PIWIL2: variants seen among roughly 807,000 people sequenced by gnomAD.
The protein encoded by PIWIL2 is piwi-like protein 2.
In PIWIL2, 81 loss-of-function variants were observed where a neutral mutation model predicts 116.5. The ratio of observed to expected loss-of-function variants is 0.70; its 90% CI spans 0.58 to 0.84. PIWIL2 has a LOEUF of 0.84. PIWIL2 is among the 40% of genes least tolerant of loss of function. The pLI is 0.00. For missense variants in PIWIL2, 1,272 were observed against 1,212.3 expected (o/e 1.05, Z -0.73); for synonymous variants, 489 against 429.5 (o/e 1.14, Z -1.71).
At chr8:22,349,051 C>CT (rs35385064) in intron 20 of PIWIL2, among the ~76,000 whole-genome samples, 60,999 of 136,668 alleles carry the variant, frequency 0.45, 14,961 homozygotes, top group East Asian at 0.81. Flanking sequence ...TTTCTTTTTT[C>CT]TTTTTTTTTT....
chr8:22,327,022 T>C (rs573295435), intron 20 of PIWIL2, among the ~76,000 whole-genome samples: 1 of 129,358 alleles, frequency 7.7e-6, no homozygotes, highest in African/African-American at 3.1e-5. Flanking sequence ...TCTGTTTTTT[T>C]ACTTTTTTTT....
At chr8:22,317,670 T>C (rs887484476) in intron 19 of PIWIL2, among the ~76,000 whole-genome samples, 1 of 130,750 alleles carries the variant, frequency 7.6e-6, no homozygotes, top group African/African-American at 2.8e-5. Context: ...TATTTATTTA[T>C]TTTTTTTGAG....
At chr8:22,275,514 C>G (rs1830341496) in intron 1 of PIWIL2, 116 bp downstream of exon 1, 1 of 152,322 alleles carries the variant, frequency 6.6e-6, no homozygotes, top group African/African-American at 2.4e-5. Context: ...CTCTCCCCTC[C>G]CACTTCGGGG....
chr8:22,316,967 A>G (rs997694142), intron 19 of PIWIL2, among the ~76,000 whole-genome samples: 2 of 151,810 alleles, frequency 1.3e-5, no homozygotes, highest in African/African-American at 2.4e-5. Context: ...TTTTGTAGAG[A>G]CAGGGTTTCA....
chr8:22,343,676 T>A (rs1384298766), intron 20 of PIWIL2, among the ~76,000 whole-genome samples: 2 of 152,138 alleles, frequency 1.3e-5, no homozygotes, highest in Non-Finnish European at 2.9e-5. Flanking sequence ...GAACTGCAAA[T>A]TAAAACAATC....
chr8:22,333,905 G>A (rs988140020), intron 20 of PIWIL2, among the ~76,000 whole-genome samples: 20 of 151,762 alleles, frequency 1.3e-4, no homozygotes, highest in South Asian at 1.2e-3. Flanking sequence ...ATGATTAGTG[G>A]TTTCCAGAGA....
intron 14 of PIWIL2, 124 bp downstream of exon 14, chr8:22,308,197 G>T (rs1385136141): frequency 3.3e-4 from 173 of 527,974 alleles, no homozygotes; most frequent in Middle Eastern, 4.6e-4. Context: ...ATTTTTCTAA[G>T]TTTTTTTTTT....
intron 20 of PIWIL2, among the ~76,000 whole-genome samples, chr8:22,328,589 GA>G: frequency 6.6e-6 from 1 of 152,096 alleles, no homozygotes; most frequent in South Asian, 2.1e-4. Context: ...TATTTATTTA[GA>G]TCTTTTTAAA....
chr8:22,329,189 A>G (rs893657921), intron 20 of PIWIL2, among the ~76,000 whole-genome samples: 1 of 152,208 alleles, frequency 6.6e-6, no homozygotes, highest in African/African-American at 2.4e-5. Context: ...GGATTTTATC[A>G]GATGATTTTT....
At chr8:22,287,480 T>G in intron 6 of PIWIL2, 48 bp from the exon 7 acceptor site, 1 of 1,163,832 alleles carries the variant, frequency 8.6e-7, no homozygotes. Context: ...CTGGTAAAGA[T>G]TGCAGTTTGA....
At chr8:22,292,449 A>C (rs1212285966) in intron 10 of PIWIL2, among the ~76,000 whole-genome samples, 1 of 152,262 alleles carries the variant, frequency 6.6e-6, no homozygotes, top group African/African-American at 2.4e-5. Flanking sequence ...AGTGGCACTT[A>C]AGTGGATTTC....
At chr8:22,317,966 T>TA (rs1404321866) in intron 19 of PIWIL2, among the ~76,000 whole-genome samples, 2 of 152,202 alleles carry the variant, frequency 1.3e-5, no homozygotes, top group African/African-American at 2.4e-5. Context: ...CTGCCACAAT[T>TA]ACACGTTTTT....
chr8:22,289,082 C>A (rs750496083), intron 8 of PIWIL2, among the ~76,000 whole-genome samples: 2 of 152,052 alleles, frequency 1.3e-5, no homozygotes, highest in Middle Eastern at 3.4e-3. Flanking sequence ...TTTGAAACAT[C>A]CTAGTTTTCA....
At chr8:22,319,112 A>G (rs1039654149) in intron 20 of PIWIL2, among the ~76,000 whole-genome samples, 1 of 152,242 alleles carries the variant, frequency 6.6e-6, no homozygotes, top group Non-Finnish European at 1.5e-5. Context: ...CAAAGGAAGC[A>G]CTGATAAGTG....
intron 10 of PIWIL2, among the ~76,000 whole-genome samples, chr8:22,291,553 G>C (rs778784808): frequency 3.9e-5 from 6 of 152,106 alleles, no homozygotes; most frequent in Non-Finnish European, 8.8e-5. Context: ...ATTACTTAAT[G>C]GAAGGGCTGA....
intron 15 of PIWIL2, among the ~76,000 whole-genome samples, chr8:22,310,777 A>C (rs1326667150): frequency 6.6e-6 from 1 of 152,186 alleles, no homozygotes; most frequent in Non-Finnish European, 1.5e-5. Flanking sequence ...CACAGCACAG[A>C]TTGATTTTAC....
intron 16 of PIWIL2, 114 bp from the exon 17 acceptor site, chr8:22,314,214 T>C: frequency 4.3e-6 from 2 of 466,510 alleles, no homozygotes; most frequent in Non-Finnish European, 7.7e-6. Flanking sequence ...TTCAGTTCCC[T>C]GTCTTCCTTA....
chr8:22,286,153 C>A (rs1830623547), intron 6 of PIWIL2, among the ~76,000 whole-genome samples: 1 of 151,914 alleles, frequency 6.6e-6, no homozygotes, highest in East Asian at 1.9e-4. Context: ...TGACTTTGGC[C>A]ACAGGAAAAA....
chr8:22,282,074 CT>C (rs397963368), intron 4 of PIWIL2, among the ~76,000 whole-genome samples: 169 of 88,798 alleles, frequency 1.9e-3, no homozygotes, highest in Middle Eastern at 0.017. Flanking sequence ...TGTGCGTGGA[CT>C]TTTTTTTTTT....
Sources: gnomAD v4.1 joint callset for allele counts (sites outside exome capture counted in the v4.1 genomes callset) on GRCh38, gnomAD v4.1.1 for gene constraint, MANE v1.5 for transcripts, NCBI Gene and HGNC (gene_info 2026-07-23, HGNC 2026-07-21) for gene names.